The following CCDC159 variants were observed in gnomAD, a reference collection of about 807,000 sequenced individuals.
CCDC159 encodes coiled-coil domain containing 159.
CCDC159 carries 40 observed loss-of-function variants against 50.9 expected under a neutral mutation model. That is an observed-to-expected ratio of 0.79 (90% CI 0.61 to 1.02). CCDC159 has a LOEUF of 1.02. Among genes scored for constraint, CCDC159 ranks in the 50% least tolerant of loss-of-function variants. The probability of loss-of-function intolerance (pLI) is 0.00; values close to 1 mark genes in which losing one functional copy is unlikely to be tolerated. For synonymous variants in CCDC159, 146 were observed against 138.9 expected, an observed-to-expected ratio of 1.05 and a Z score of -0.36; for missense variants, 356 against 371.5, an observed-to-expected ratio of 0.96 and a Z score of 0.34.
chr19:11,353,732 T>C, intron 8 of CCDC159, 60 bp from the exon 9 acceptor site: 1 of 1,545,556 alleles, frequency 6.5e-7, no homozygotes, highest in Non-Finnish European at 8.8e-7. Context: ...GCTGTACTGC[T>C]GTCTACACCC....
intron 8 of CCDC159, 66 bp from the exon 9 acceptor site, chr19:11,353,726 T>C: frequency 6.5e-7 from 1 of 1,537,952 alleles, no homozygotes; most frequent in Non-Finnish European, 8.8e-7. Flanking sequence ...ACCTTAGCTG[T>C]ACTGCTGTCT....
In CCDC159 at chr19:11,346,547, T is replaced by C. The variant is rs1967241022; in HGVS notation, c.-60T>C. The C allele has an allele frequency of 3.2e-6, 5 of 1,542,832 alleles. No homozygotes were observed. The highest frequency in any genetic ancestry group is 1.2e-5 in the South Asian group (1 of 83,844). On this transcript the variant is annotated 5_prime_UTR_variant, in exon 1 of 11. An upstream start codon of the reference 5' UTR is lost. Transcript: ENST00000458408. ...TCAGTCTCTGAGCGTTTTAATACGATGGTGTCCCCGCGGGATCAAACTTCA... is the reference window on the plus strand; with the variant it reads ...TCAGTCTCTGAGCGTTTTAATACGACGGTGTCCCCGCGGGATCAAACTTCA...
Position 11,349,631 on chromosome 19 carries a change from C to G in CCDC159, c.22-23C>G, listed in dbSNP as rs750195868. 6 of 1,612,648 alleles carry G rather than the reference C, an allele frequency of 3.7e-6. No homozygotes were observed. In the African/African-American group the frequency reaches 8.0e-5, roughly 22 times the overall value. ...GGCAGCTCAGGGACAAATTTCTACT[C>G]CCATCTCATCTCTCTTCCTTAGAAG... is the stretch of plus-strand genomic sequence containing the variant. On this transcript the variant is annotated intron_variant, in intron 1 of 10. Coordinates refer to ENST00000458408, the MANE Select transcript of CCDC159 (RefSeq NM_001080503.3).
chr19:11,351,994 G>T, intron 6 of CCDC159, 21 bp downstream of exon 6: 1 of 1,611,448 alleles, frequency 6.2e-7, no homozygotes, highest in Non-Finnish European at 8.5e-7. Context: ...GGAGCCCACA[G>T]CCGGTGTGTG....
intron 9 of CCDC159, 103 bp from the exon 10 acceptor site, chr19:11,354,477 G>A (rs1289272645): frequency 4.7e-6 from 5 of 1,055,258 alleles, no homozygotes; most frequent in Non-Finnish European, 6.8e-6. Flanking sequence ...AGGGAATTGG[G>A]GGTCATGGTT....
At chr19:11,351,814 G>C in intron 5 of CCDC159, 92 bp from the exon 6 acceptor site, 1 of 1,128,598 alleles carries the variant, frequency 8.9e-7, no homozygotes, top group Non-Finnish European at 1.3e-6. Flanking sequence ...GGAGGGGACA[G>C]AGCTTGCGGG....
At chr19:11,352,193 GC>G in intron 7 of CCDC159, 60 bp downstream of exon 7, 1 of 1,542,786 alleles carries the variant, frequency 6.5e-7, no homozygotes, top group Non-Finnish European at 8.9e-7. Flanking sequence ...GGGGATTTTG[GC>G]CAGCCTCCAC....
At chr19:11,349,781 G>A (rs892408132) in intron 2 of CCDC159, 94 bp downstream of exon 2, 2 of 1,225,776 alleles carry the variant, frequency 1.6e-6, no homozygotes, top group Non-Finnish European at 2.4e-6. Flanking sequence ...CCCCTGCCAT[G>A]GTCACCCATT....
At chr19:11,353,607 C>T (rs758711700) in intron 8 of CCDC159, 35 bp downstream of exon 8, 5 of 1,605,472 alleles carry the variant, frequency 3.1e-6, no homozygotes, top group African/African-American at 1.3e-5. Flanking sequence ...CCCTGACCCT[C>T]CTCTGAACCC....
intron 9 of CCDC159, among the ~76,000 whole-genome samples, chr19:11,354,116 G>A (rs1037473877): frequency 8.5e-5 from 13 of 152,198 alleles, no homozygotes; most frequent in African/African-American, 2.9e-4. Context: ...AGTGGCTCAT[G>A]CCTGTAATCC....
At chr19:11,351,217 A>C (rs1599384803) in intron 5 of CCDC159, 1 of 525,270 alleles carries the variant, frequency 1.9e-6, no homozygotes, top group African/African-American at 2.0e-5. Flanking sequence ...TGGGCGGATC[A>C]CCTGAGGTCA....
At chr19:11,348,750 C>T (rs758575701) in intron 1 of CCDC159, 15 of 506,600 alleles carry the variant, frequency 3.0e-5, no homozygotes, top group Non-Finnish European at 3.2e-5. Context: ...CTACTCACAG[C>T]GACCCTCTTT....
At position 11,346,593 on chromosome 19, in the gene CCDC159, C is replaced by T. The variant is rs985521588; in HGVS notation, c.-14C>T. 2.6e-6 allele frequency: 4 copies of T among 1,551,418 alleles called. No individual in the cohort carries two copies. The Admixed American group carries it at 7.8e-5, about 30-fold the overall frequency. On this transcript the variant is annotated 5_prime_UTR_variant, in exon 1 of 11. Transcript: ENST00000458408. ...CTTCAGCGTCACAGCTGAGGACTGG[C>T]TTCGTGGTCCCTGATGGGAGAGCAT...
At position 11,349,698 on chromosome 19, in the gene CCDC159, T is replaced by G; in HGVS notation, c.55+11T>G. The G allele has an allele frequency of 6.3e-7, 1 of 1,584,788 alleles. No individual in the cohort carries two copies. The highest frequency in any genetic ancestry group is 8.7e-7 in the Non-Finnish European group (1 of 1,154,288). The stretch of plus-strand genomic sequence containing the variant: ...CTTCCAAAGTCAAAGGTGAGAAATC[T>G]CCTTTCCAACAAAACTGTGTGGGGA... On this transcript the variant is annotated intron_variant, in intron 2 of 10. Coordinates refer to ENST00000458408, the MANE Select transcript of CCDC159 (RefSeq NM_001080503.3).
intron 8 of CCDC159, 67 bp from the exon 9 acceptor site, chr19:11,353,725 G>A (rs1312401688): frequency 4.5e-6 from 7 of 1,539,930 alleles, no homozygotes; most frequent in Non-Finnish European, 6.2e-6. Flanking sequence ...AACCTTAGCT[G>A]TACTGCTGTC....
intron 7 of CCDC159, among the ~76,000 whole-genome samples, chr19:11,352,866 G>C (rs957245336): frequency 3.3e-5 from 5 of 152,074 alleles, no homozygotes; most frequent in African/African-American, 1.2e-4. Context: ...TGGAGGTTCA[G>C]GGTGCGTTGA....
chr19:11,351,792 A>G lies in CCDC159; in HGVS notation c.423-114A>G, dbSNP rs1342220785. Reference sequence around the variant, plus strand: ...TTGTAGAAGGGGAGGGGAAAAGGGCAGGGAAGTGTGGGGAGGGGACAGAGC... The same window carrying G: ...TTGTAGAAGGGGAGGGGAAAAGGGCGGGGAAGTGTGGGGAGGGGACAGAGC... On this transcript the variant is annotated intron_variant, in intron 5 of 10. Coordinates refer to ENST00000458408, the MANE Select transcript of CCDC159 (RefSeq NM_001080503.3). 5.3e-6 allele frequency: 4 copies of G among 756,504 alleles called. No individual in the cohort carries two copies. The East Asian group carries it at 1.2e-4, about 22-fold the overall frequency. The allele number at this position is 756,504 out of a possible 1,614,324, so 46.9% of individuals were successfully genotyped here. A position where few individuals can be genotyped will look rare whatever the true frequency, so the allele number is the denominator to read the frequency against.
intron 7 of CCDC159, 196 bp downstream of exon 7, chr19:11,352,329 A>C: frequency 4.9e-6 from 3 of 616,208 alleles, no homozygotes; most frequent in Non-Finnish European, 8.5e-6. Context: ...ATAATAACTC[A>C]TCTTGGCTGG....
chr19:11,347,649 T>C (rs754662851), intron 1 of CCDC159, among the ~76,000 whole-genome samples: 1 of 152,030 alleles, frequency 6.6e-6, no homozygotes, highest in African/African-American at 2.4e-5. Context: ...CTGAAGAGCG[T>C]GTAGGAGTCT....
Sources: gnomAD v4.1 joint callset for allele counts (sites outside exome capture counted in the v4.1 genomes callset) on GRCh38, gnomAD v4.1.1 for gene constraint, MANE v1.5 for transcripts, NCBI Gene and HGNC (gene_info 2026-07-23, HGNC 2026-07-21) for gene names.